Variants in ALG9 observed in about 807,000 individuals in gnomAD.
ALG9 encodes the protein ALG9 alpha-1,2-mannosyltransferase.
In ALG9, 55 loss-of-function variants were observed where a neutral mutation model predicts 81.8. The observed-to-expected ratio is 0.67, with a 90% confidence interval of 0.54 to 0.84. The LOEUF (loss-of-function observed/expected upper bound fraction) is 0.84. Among genes scored for constraint, ALG9 ranks in the 40% least tolerant of loss-of-function variants. ALG9 has a pLI of 0.00. For synonymous variants in ALG9, 278 were observed against 274.3 expected, an observed-to-expected ratio of 1.01 and a Z score of -0.13; for missense variants, 629 against 745.0, an observed-to-expected ratio of 0.84 and a Z score of 1.81.
intron 6 of ALG9, among the ~76,000 whole-genome samples, chr11:111,857,331 T>C (rs1958862873): frequency 6.6e-6 from 1 of 152,228 alleles, no homozygotes; most frequent in Non-Finnish European, 1.5e-5. Context: ...CTAATAATTG[T>C]ATTTCTCCTG....
intron 6 of ALG9, among the ~76,000 whole-genome samples, 170 bp from the exon 7 acceptor site, chr11:111,853,906 T>C (rs1958234044): frequency 6.6e-6 from 1 of 152,172 alleles, no homozygotes; most frequent in Non-Finnish European, 1.5e-5. Context: ...GAGTGCTCTG[T>C]ATCCCACTGA....
chr11:111,861,369 C>T (rs1344485792), intron 4 of ALG9, among the ~76,000 whole-genome samples: 1 of 152,162 alleles, frequency 6.6e-6, no homozygotes, highest in African/African-American at 2.4e-5. Context: ...AATAATTTTG[C>T]TTTTTCCTAA....
rs782379545 is a variant in ALG9, at chr11:111,868,725, G to A, written c.282C>T (p.Leu94=). 1.7e-4 allele frequency: 280 copies of A among 1,610,728 alleles called. No individual in the cohort carries two copies. The highest frequency in any genetic ancestry group is 2.2e-4 in the Non-Finnish European group (258 of 1,178,218). ...TFNYWEPTHY[L]IYGEGFQTWE... ...AAGTCTGAAACCCTTCCCCATAGATGAGGTAGTGTGTCTAAAAATACAAAA... is the reference window on the plus strand; with the variant it reads ...AAGTCTGAAACCCTTCCCCATAGATAAGGTAGTGTGTCTAAAAATACAAAA... Residue 94 remains leucine, a synonymous_variant, in exon 3 of 15, where the codon CTC becomes CTT. Transcript: ENST00000616540.
At chr11:111,827,432 G>A (rs543571544) in intron 13 of ALG9, among the ~76,000 whole-genome samples, 1 of 152,214 alleles carries the variant, frequency 6.6e-6, no homozygotes, top group South Asian at 2.1e-4. Flanking sequence ...GTCGAGATGG[G>A]CAATAAGAGT....
At chr11:111,864,231 C>G in intron 4 of ALG9, 2 of 808,846 alleles carry the variant, frequency 2.5e-6, no homozygotes, top group East Asian at 5.1e-5. Flanking sequence ...AACCCACGAA[C>G]TGGCCCGGCC....
chr11:111,848,208 T>C (rs1957203159), intron 8 of ALG9, among the ~76,000 whole-genome samples: 2 of 152,222 alleles, frequency 1.3e-5, no homozygotes, highest in African/African-American at 4.8e-5. Flanking sequence ...GGTATGTGAA[T>C]AACTTCTGAC....
chr11:111,793,275 C>T (rs1006622120), intron 14 of ALG9, among the ~76,000 whole-genome samples: 2 of 152,212 alleles, frequency 1.3e-5, no homozygotes, highest in Non-Finnish European at 2.9e-5. Flanking sequence ...AGTCACTGCA[C>T]ACGGCCTGTG....
At chr11:111,809,579 A>G in intron 14 of ALG9, 64 bp downstream of exon 14, 1 of 1,598,266 alleles carries the variant, frequency 6.3e-7, no homozygotes, top group African/African-American at 1.3e-5. Flanking sequence ...AAGTTATATA[A>G]TCCTAGAATC....
downstream of ALG9, among the ~76,000 whole-genome samples, chr11:111,780,102 G>C (rs1447084419): frequency 6.6e-6 from 1 of 152,114 alleles, no homozygotes; most frequent in African/African-American, 2.4e-5. Flanking sequence ...TTCCTAGCAG[G>C]ACATGTAGCT....
At chr11:111,847,112 G>C (rs2136965521) in intron 8 of ALG9, among the ~76,000 whole-genome samples, 1 of 152,098 alleles carries the variant, frequency 6.6e-6, no homozygotes. Flanking sequence ...AGACCTGTAG[G>C]AACTAAATCA....
chr11:111,787,891 CAGTA>C (rs1404055394), intron 14 of ALG9, among the ~76,000 whole-genome samples: 4 of 152,206 alleles, frequency 2.6e-5, no homozygotes, highest in African/African-American at 9.6e-5. Context: ...CAGGGTTACA[CAGTA>C]AGTGACAGAG....
chr11:111,772,930 T>C, the ALG9 span, among the ~76,000 whole-genome samples: 4 of 152,162 alleles, frequency 2.6e-5, no homozygotes, highest in Non-Finnish European at 5.9e-5. Context: ...GAAAGCACCA[T>C]GCAGATGTTA....
At chr11:111,870,146 C>T (rs782554006) in intron 2 of ALG9, 86 bp downstream of exon 2, 6 of 1,403,686 alleles carry the variant, frequency 4.3e-6, no homozygotes, top group Non-Finnish European at 5.8e-6. Flanking sequence ...AGGAGTCACA[C>T]TTGTATATTA....
At chr11:111,840,583 C>T (rs1592207198) in intron 10 of ALG9, 72 bp downstream of exon 10, 1 of 1,563,524 alleles carries the variant, frequency 6.4e-7, no homozygotes, top group Admixed American at 1.7e-5. Context: ...CTGTAATTTG[C>T]ACTTAAGTTT....
chr11:111,868,621 C>A lies in ALG9; in HGVS notation c.386G>T (p.Arg129Ile). The change falls in exon 3 of 15, where the codon AGA becomes ATA. Residue 129 changes from arginine (R) to isoleucine (I), a missense_variant. Arg to Ile is a moderately conservative substitution (Grantham distance 97). Transcript: ENST00000616540. ...CCTTACCTTATTAGTTTGTAGAATT[C>A]TTGCATGAAATGCAGCTGGCCAGGC... ...LHAWPAAFHA[R>I]ILQTNKILVF... 1 of 1,613,986 alleles carries A rather than the reference C, an allele frequency of 6.2e-7. No homozygotes were observed. Among genetic ancestry groups the A allele is most frequent in the Non-Finnish European group, 8.5e-7 (1 of 1,179,884 alleles).
At chr11:111,856,999 T>TG (rs1489331448) in intron 6 of ALG9, among the ~76,000 whole-genome samples, 1 of 151,988 alleles carries the variant, frequency 6.6e-6, no homozygotes, top group Non-Finnish European at 1.5e-5. Flanking sequence ...CCCAGCTACT[T>TG]GGGGGGCTGA....
At chr11:111,793,457 T>G (rs1947742051) in intron 14 of ALG9, among the ~76,000 whole-genome samples, 1 of 152,236 alleles carries the variant, frequency 6.6e-6, no homozygotes, top group African/African-American at 2.4e-5. Context: ...ATTGGTAATT[T>G]GCCTTTATAA....
At chr11:111,828,865 T>C (rs1341384878) in intron 13 of ALG9, 1 of 152,062 alleles carries the variant, frequency 6.6e-6, no homozygotes, top group African/African-American at 2.4e-5. Flanking sequence ...CCAAAGAAAA[T>C]CACCATCAGC....
intron 14 of ALG9, among the ~76,000 whole-genome samples, chr11:111,794,139 G>A (rs1312710557): frequency 1.3e-5 from 2 of 152,226 alleles, no homozygotes; most frequent in Admixed American, 1.3e-4. Flanking sequence ...GGGCTGAGGA[G>A]CATTCGGCGG....
Sources: gnomAD v4.1 joint callset for allele counts (sites outside exome capture counted in the v4.1 genomes callset) on GRCh38, gnomAD v4.1.1 for gene constraint, MANE v1.5 for transcripts, NCBI Gene and HGNC (gene_info 2026-07-23, HGNC 2026-07-21) for gene names.